The following FRAS1 variants were observed in gnomAD, a reference collection of about 807,000 sequenced individuals.
FRAS1 encodes the protein Fraser extracellular matrix complex subunit 1.
A neutral mutation model predicts 435.2 loss-of-function variants in FRAS1; 290 were observed. The ratio of observed to expected loss-of-function variants is 0.67; its 90% CI spans 0.61 to 0.73. FRAS1 has a LOEUF of 0.73. Ranked by LOEUF, FRAS1 falls within the 30% of genes least tolerant of loss-of-function variation. The probability of loss-of-function intolerance (pLI) is 0.00; values close to 1 mark genes in which losing one functional copy is unlikely to be tolerated. For synonymous variants in FRAS1, 1,800 were observed against 1,851.0 expected (o/e 0.97, Z 0.71); for missense variants, 4,860 against 5,001.5 (o/e 0.97, Z 0.85).
intron 16 of FRAS1, among the ~76,000 whole-genome samples, chr4:78,316,952 G>A (rs1056108809): frequency 6.6e-6 from 1 of 151,998 alleles, no homozygotes; most frequent in Admixed American, 6.6e-5. Flanking sequence ...GCAGTGTGAG[G>A]TTTAGGTCCA....
rs544764953 is a variant in FRAS1, at chr4:78,066,154, G to A, written c.108+138G>A. ...AACGTTTGACAATTAGCCCTCATTC[G>A]GGCACAATGATGCTCAATTATTTAA... On this transcript the variant is annotated intron_variant, in intron 2 of 73. Transcript: ENST00000512123. 4.0e-5 allele frequency: 28 copies of A among 693,758 alleles called. 1 individual carries two copies. The South Asian group carries it at 4.4e-4, about 11-fold the overall frequency. 43.0% of individuals were successfully genotyped at this position (693,758 alleles called of 1,614,324 possible).
intron 2 of FRAS1, among the ~76,000 whole-genome samples, chr4:78,067,407 T>C (rs10005124): frequency 0.12 from 18,727 of 152,164 alleles, 1,291 homozygotes; most frequent in Middle Eastern, 0.18. Flanking sequence ...TTGCTATGTG[T>C]TATTGTACAT....
chr4:78,129,681 C>A (rs1247399024), intron 2 of FRAS1, among the ~76,000 whole-genome samples: 1 of 152,126 alleles, frequency 6.6e-6, no homozygotes, highest in Non-Finnish European at 1.5e-5. Flanking sequence ...AAATTCAGAA[C>A]CCTGAGGCAA....
chr4:78,363,818 G>A (rs948991782), intron 21 of FRAS1, 90 bp from the exon 22 acceptor site: 1 of 1,481,648 alleles, frequency 6.7e-7, no homozygotes, highest in East Asian at 2.3e-5. Context: ...AATGTTCTCA[G>A]TGTTGGGACT....
At chr4:78,390,752 T>G (rs1325597366) in intron 29 of FRAS1, among the ~76,000 whole-genome samples, 1 of 152,226 alleles carries the variant, frequency 6.6e-6, no homozygotes, top group African/African-American at 2.4e-5. Flanking sequence ...CATGACTGAT[T>G]CATTCTAACA....
At chr4:78,294,467 C>T (rs1314102048) in intron 14 of FRAS1, among the ~76,000 whole-genome samples, 2 of 152,110 alleles carry the variant, frequency 1.3e-5, no homozygotes, top group African/African-American at 4.8e-5. Context: ...TTGGATTATA[C>T]CTATGTTGTC....
chr4:78,339,341 T>A (rs1322886113), intron 20 of FRAS1, among the ~76,000 whole-genome samples: 1 of 152,206 alleles, frequency 6.6e-6, no homozygotes, highest in African/African-American at 2.4e-5. Context: ...GAGCACAAGG[T>A]GCCAAGTTGA....
chr4:78,455,382 A>G (rs1325494141), intron 47 of FRAS1, among the ~76,000 whole-genome samples: 2 of 151,154 alleles, frequency 1.3e-5, no homozygotes, highest in African/African-American at 4.9e-5. Flanking sequence ...ACTTGTCTCA[A>G]TGGGTGAGGA....
Position 78,543,979 on chromosome 4 carries a change from G to C in FRAS1, c.*2855G>C, listed in dbSNP as rs762646954. ...TTGCTGCCCTTTTATTGTACCCCAG[G>C]CCTCCTAGAGGACTCCTGCAGATTC... On this transcript the variant is annotated 3_prime_UTR_variant, in exon 74 of 74. Coordinates refer to ENST00000512123, the MANE Select transcript of FRAS1 (RefSeq NM_025074.7). 2.6e-5 allele frequency: 4 copies of C among 152,708 alleles called. No individual in the cohort carries two copies. The highest frequency in any genetic ancestry group is 7.2e-5 in the African/African-American group (3 of 41,544). The allele number at this position is 152,708 out of a possible 1,614,324, so 9.5% of individuals were successfully genotyped here. A position where few individuals can be genotyped will look rare whatever the true frequency, so the allele number is the denominator to read the frequency against.
intron 14 of FRAS1, among the ~76,000 whole-genome samples, chr4:78,304,544 C>T (rs1381634617): frequency 6.6e-6 from 1 of 152,002 alleles, no homozygotes; most frequent in Non-Finnish European, 1.5e-5. Context: ...AATTTCAGCT[C>T]CTGTTATTGG....
intron 2 of FRAS1, among the ~76,000 whole-genome samples, chr4:78,150,998 G>A (rs914913797): frequency 1.3e-5 from 2 of 152,074 alleles, no homozygotes; most frequent in East Asian, 1.9e-4. Flanking sequence ...AAGTTTGGTC[G>A]GTCAGGACTT....
intron 2 of FRAS1, among the ~76,000 whole-genome samples, chr4:78,155,042 T>G (rs569592807): frequency 4.3e-4 from 65 of 152,348 alleles, no homozygotes; most frequent in African/African-American, 1.5e-3. Flanking sequence ...GGATTGCTTT[T>G]GGTTATTCAC....
chr4:78,475,715 C>G, intron 54 of FRAS1, 109 bp downstream of exon 54: 1 of 1,003,234 alleles, frequency 1.0e-6, no homozygotes, highest in Non-Finnish European at 1.4e-6. Context: ...CACTGGTGTC[C>G]TTCTTCAAGT....
chr4:78,453,751 A>G (rs1719095567), intron 47 of FRAS1, among the ~76,000 whole-genome samples: 1 of 63,732 alleles, frequency 1.6e-5, no homozygotes, highest in Non-Finnish European at 3.3e-5. Flanking sequence ...GTGATCTGTG[A>G]TCATACACTG....
At chr4:78,167,916 G>T (rs75388451) in intron 2 of FRAS1, among the ~76,000 whole-genome samples, 2,103 of 152,142 alleles carry the variant, frequency 0.014, 42 homozygotes, top group South Asian at 0.069. Flanking sequence ...TGATATTAGT[G>T]TACTTGGTGC....
At chr4:78,423,619 C>T (rs1235356216) in intron 34 of FRAS1, among the ~76,000 whole-genome samples, 6 of 152,130 alleles carry the variant, frequency 3.9e-5, no homozygotes, top group East Asian at 3.8e-4. Flanking sequence ...TTATGGTAAA[C>T]ATTTAAAATG....
At chr4:78,065,616 C>T (rs1245813157) in intron 1 of FRAS1, among the ~76,000 whole-genome samples, 1 of 152,080 alleles carries the variant, frequency 6.6e-6, no homozygotes, top group Non-Finnish European at 1.5e-5. Context: ...GGACTGGAGG[C>T]TTAGTGTAAG....
chr4:78,307,575 C>G (rs971009856), intron 14 of FRAS1, among the ~76,000 whole-genome samples: 3 of 152,228 alleles, frequency 2.0e-5, no homozygotes, highest in Admixed American at 6.5e-5. Context: ...TTTTTTAAGC[C>G]CGTCGGAAAA....
chr4:78,358,235 A>T (rs1365541018), intron 20 of FRAS1, among the ~76,000 whole-genome samples: 1 of 152,178 alleles, frequency 6.6e-6, no homozygotes, highest in African/African-American at 2.4e-5. Context: ...AACCTCACTT[A>T]TAATAAAAGA....
Sources: gnomAD v4.1 joint callset for allele counts (sites outside exome capture counted in the v4.1 genomes callset) on GRCh38, gnomAD v4.1.1 for gene constraint, MANE v1.5 for transcripts, NCBI Gene and HGNC (gene_info 2026-07-23, HGNC 2026-07-21) for gene names.